DOCK2: variants seen among roughly 807,000 people sequenced by gnomAD.
DOCK2 encodes dedicator of cytokinesis 2, also known as dedicator of cytokinesis protein 2.
Under a neutral mutation model 248.9 loss-of-function variants are expected in DOCK2, and 87 were observed. That is an observed-to-expected ratio of 0.35 (90% CI 0.29 to 0.42). The LOEUF is 0.42. DOCK2 is among the 10% of genes least tolerant of loss of function. The pLI, the probability that DOCK2 is intolerant of heterozygous loss-of-function variation, is 1.00. For missense variants in DOCK2, 1,747 were observed against 2,300.2 expected (o/e 0.76, Z 4.92); for synonymous variants, 805 against 821.6 (o/e 0.98, Z 0.35).
rs76059761 is a variant in DOCK2, at chr5:169,792,012, C to T, written c.2555-11046C>T. Among the ~76,000 whole-genome samples the T allele has an allele frequency of 7.2e-5, 11 of 152,172 alleles. No homozygotes were observed. The East Asian group carries it at 2.1e-3, about 29-fold the overall frequency. ...ATAAAGAGATAAAAGTGTAGGAGTTCCTGGTTAAGTAGAGATTGAGAGTCA... is the reference window on the plus strand; with the variant it reads ...ATAAAGAGATAAAAGTGTAGGAGTTTCTGGTTAAGTAGAGATTGAGAGTCA... On this transcript the variant is annotated intron_variant, in intron 25 of 51. Coordinates refer to ENST00000520908, the MANE Select transcript of DOCK2 (RefSeq NM_004946.3).
At chr5:169,772,550 A>G (rs1765148676) in intron 25 of DOCK2, among the ~76,000 whole-genome samples, 1 of 152,220 alleles carries the variant, frequency 6.6e-6, no homozygotes, top group Non-Finnish European at 1.5e-5. Context: ...TTTAGTGCAC[A>G]GTTGTGAGAT....
intron 27 of DOCK2, chr5:169,841,344 C>G: frequency 3.0e-6 from 3 of 987,702 alleles, no homozygotes; most frequent in Non-Finnish European, 3.6e-6. Context: ...ACAGTATGTT[C>G]TGAAGATCAG....
At chr5:169,883,310 T>C in intron 27 of DOCK2, 1 of 1,551,590 alleles carries the variant, frequency 6.4e-7, no homozygotes, top group Non-Finnish European at 8.7e-7. Flanking sequence ...GCTGTGGCTT[T>C]CTCTAAGGAC....
intron 27 of DOCK2, among the ~76,000 whole-genome samples, chr5:169,959,646 T>C (rs935055985): frequency 2.0e-5 from 3 of 152,172 alleles, no homozygotes; most frequent in Non-Finnish European, 4.4e-5. Context: ...AGGTAAGTGT[T>C]GGACTAAAGG....
intron 28 of DOCK2, among the ~76,000 whole-genome samples, chr5:169,983,480 G>A (rs1777991306): frequency 1.3e-5 from 2 of 152,162 alleles, no homozygotes; most frequent in South Asian, 2.1e-4. Flanking sequence ...GGGGTTGCAC[G>A]AGAACACAAT....
chr5:170,048,676 C>T (rs555653713), intron 40 of DOCK2, among the ~76,000 whole-genome samples: 1 of 152,304 alleles, frequency 6.6e-6, no homozygotes, highest in South Asian at 2.1e-4. Context: ...GGATAAATAA[C>T]AGCTTTCATG....
intron 1 of DOCK2, among the ~76,000 whole-genome samples, chr5:169,639,221 C>T (rs1355921049): frequency 6.6e-6 from 1 of 152,158 alleles, no homozygotes; most frequent in Non-Finnish European, 1.5e-5. Context: ...TGCTGACTGC[C>T]TGGTTAATCT....
intron 1 of DOCK2, among the ~76,000 whole-genome samples, chr5:169,641,966 T>TCTGGTGAGGGTGCTGCCC (rs1447317942): frequency 6.6e-6 from 1 of 152,196 alleles, no homozygotes; most frequent in East Asian, 1.9e-4. Context: ...TGGGCCTCAC[T>TCTGGTGAGGGTGCTGCCC]CTGGTGAGGG....
intron 27 of DOCK2, among the ~76,000 whole-genome samples, chr5:169,930,812 T>C (rs1775716554): frequency 6.6e-6 from 1 of 152,218 alleles, no homozygotes; most frequent in Non-Finnish European, 1.5e-5. Flanking sequence ...TCTTGGTTTC[T>C]TTTCTTATGC....
intron 30 of DOCK2, among the ~76,000 whole-genome samples, chr5:169,997,810 C>A (rs2113799664): frequency 6.6e-6 from 1 of 152,314 alleles, no homozygotes; most frequent in East Asian, 1.9e-4. Flanking sequence ...CAGTAACAAT[C>A]TGATCTCTCT....
At chr5:169,958,157 A>T (rs1776942413) in intron 27 of DOCK2, among the ~76,000 whole-genome samples, 1 of 152,182 alleles carries the variant, frequency 6.6e-6, no homozygotes, top group Admixed American at 6.5e-5. Flanking sequence ...TGTCAACTTG[A>T]TTATCTACCC....
At chr5:170,081,793 G>GCCCCC in intron 50 of DOCK2, 49 bp from the exon 51 acceptor site, 1 of 1,433,746 alleles carries the variant, frequency 7.0e-7, no homozygotes, top group South Asian at 1.6e-5. Context: ...CCAAGGCACT[G>GCCCCC]CCCCTCCTCT....
Position 169,702,292 on chromosome 5 carries a change from C to G in DOCK2, c.1259-11C>G. On this transcript the variant is annotated splice_polypyrimidine_tract_variant and intron_variant, in intron 13 of 51. Coordinates refer to ENST00000520908, the MANE Select transcript of DOCK2 (RefSeq NM_004946.3). Reference sequence around the variant, plus strand: ...CACACTAACTCTTGTCTCTCTCTCCCTCTGCCTCAGGGGATGTCAGGAACG... The same window carrying G: ...CACACTAACTCTTGTCTCTCTCTCCGTCTGCCTCAGGGGATGTCAGGAACG... The G allele has an allele frequency of 1.2e-6, 2 of 1,613,342 alleles. No individual in the cohort carries two copies. Among genetic ancestry groups the G allele is most frequent in the South Asian group, 1.1e-5 (1 of 91,002 alleles).
intron 29 of DOCK2, among the ~76,000 whole-genome samples, chr5:169,988,318 T>C (rs535301555): frequency 1.4e-4 from 21 of 152,274 alleles, no homozygotes. Context: ...AGGCTTTACA[T>C]GAAATTAGTT....
Position 169,888,775 on chromosome 5 carries a change from C to T in DOCK2, c.2799+47923C>T, listed in dbSNP as rs149103028. ...AATGAAATAATCTATATGAAATGGT[C>T]AGGATAGTCAGTGTTCACTCTTCAG... On this transcript the variant is annotated intron_variant, in intron 27 of 51. Coordinates refer to ENST00000520908, the MANE Select transcript of DOCK2 (RefSeq NM_004946.3). Among the ~76,000 whole-genome samples, 636 of 152,292 alleles carry T rather than the reference C, an allele frequency of 4.2e-3. 5 individuals carry two copies. Among genetic ancestry groups the T allele is most frequent in the African/African-American group, 0.014 (600 of 41,564 alleles).
At chr5:169,674,866 C>G (rs1477839785) in intron 6 of DOCK2, among the ~76,000 whole-genome samples, 1 of 152,142 alleles carries the variant, frequency 6.6e-6, no homozygotes, top group African/African-American at 2.4e-5. Flanking sequence ...AACTCAAATG[C>G]ACAATTACAA....
At position 169,763,963 on chromosome 5, in the gene DOCK2, CTT is replaced by C. The variant is rs1413684364; in HGVS notation, c.2554+2339_2554+2340del. The stretch of plus-strand genomic sequence containing the variant: ...TTACCAAAATAGTCCCAAAGGGAAA[CTT>C]CAGCTCATCCCCTTTCTTAAATCCT... On this transcript the variant is annotated intron_variant, in intron 25 of 51. Coordinates refer to ENST00000520908, the MANE Select transcript of DOCK2 (RefSeq NM_004946.3). The surrounding 1 kb of genome is among the most constrained non-coding windows in gnomAD (Gnocchi z 4.1). 6.6e-6 allele frequency among the ~76,000 whole-genome samples: 1 copy of C among 152,218 alleles called. No homozygotes were observed. The highest frequency in any genetic ancestry group is 1.5e-5 in the Non-Finnish European group (1 of 68,032).
At chr5:169,790,078 A>G (rs1766233857) in intron 25 of DOCK2, among the ~76,000 whole-genome samples, 1 of 152,236 alleles carries the variant, frequency 6.6e-6, no homozygotes, top group Non-Finnish European at 1.5e-5. Context: ...GGAGAATCAG[A>G]TGATGATTGG....
chr5:169,715,618 T>G (rs1245603245), intron 19 of DOCK2, among the ~76,000 whole-genome samples: 3 of 151,886 alleles, frequency 2.0e-5, no homozygotes, highest in Admixed American at 1.3e-4. Context: ...TAAAAAAGTT[T>G]GTTATTTAAA....
Sources: gnomAD v4.1 joint callset for allele counts (sites outside exome capture counted in the v4.1 genomes callset) on GRCh38, gnomAD v4.1.1 for gene constraint, Gnocchi (gnomAD v3.1) non-coding constraint, MANE v1.5 for transcripts, NCBI Gene and HGNC (gene_info 2026-07-23, HGNC 2026-07-21) for gene names.